Variants in SLC1A6 observed in about 807,000 individuals in gnomAD.
SLC1A6 encodes the protein solute carrier family 1 member 6.
Under a neutral mutation model 42.1 loss-of-function variants are expected in SLC1A6, and 15 were observed. The observed-to-expected ratio is 0.36, with a 90% CI of 0.24 to 0.55. The LOEUF (loss-of-function observed/expected upper bound fraction) is 0.55, where lower values mean the gene tolerates loss of function less well. Among genes scored for constraint, SLC1A6 ranks in the 20% least tolerant of loss-of-function variants. The probability of loss-of-function intolerance (pLI) is 0.88; values close to 1 mark genes in which losing one functional copy is unlikely to be tolerated. For synonymous variants in SLC1A6, 317 were observed against 319.7 expected, an observed-to-expected ratio of 0.99 and a Z score of 0.09; for missense variants, 542 against 772.5, an observed-to-expected ratio of 0.70 and a Z score of 3.54.
At chr19:14,994,938 A>G (rs76185960) in intron 1 of SLC1A6, among the ~76,000 whole-genome samples, 1 of 152,218 alleles carries the variant, frequency 6.6e-6, no homozygotes. Context: ...CTCGGAGAAC[A>G]TGATATTACA....
At chr19:14,996,532 T>C (rs1303288397) in intron 1 of SLC1A6, among the ~76,000 whole-genome samples, 38 of 111,038 alleles carry the variant, frequency 3.4e-4, no homozygotes, top group Admixed American at 1.9e-3. Flanking sequence ...CTCCTCTTTC[T>C]TCTTCTTCTT....
rs1314383470 is a variant in SLC1A6, at chr19:15,000,437, C to T, written c.6+10048G>A. On this transcript the variant is annotated intron_variant, in intron 1 of 8. Transcript: ENST00000430939. ...TGTTTCTATCAGTTTGTCTTTTTTA[C>T]CTTCCACATATAAGTGAGAAGATGC... Among the ~76,000 whole-genome samples the T allele has an allele frequency of 2.0e-5, 3 of 152,276 alleles. No individual in the cohort carries two copies. The East Asian group carries it at 5.8e-4, about 29-fold the overall frequency.
At position 14,964,337 on chromosome 19, in the gene SLC1A6, C is replaced by T. The variant is rs1343680198; in HGVS notation, c.573G>A (p.Val191=). ...CCCTGACCTGTTTGAAGCAGGCCTC[C>T]ACAAGGTTTGGTGGAAACATATTTC... The part of the protein sequence containing the change: ...LIRNMFPPNL[V]EACFKQFKTQ... The change falls in exon 5 of 10, where the codon GTG becomes GTA. Residue 191 remains valine, a synonymous_variant. Coordinates refer to ENST00000594383, the MANE Select transcript of SLC1A6 (RefSeq NM_005071.3). 1.9e-6 allele frequency: 3 copies of T among 1,613,790 alleles called. No homozygotes were observed. Among genetic ancestry groups the T allele is most frequent in the South Asian group, 2.2e-5 (2 of 91,060 alleles).
At chr19:15,010,500 T>C (rs929670808) in exon 1 of SLC1A6, 18 of 565,322 alleles carry the variant, frequency 3.2e-5, no homozygotes, top group African/African-American at 3.0e-4. Flanking sequence ...TGCGACAGAG[T>C]GTGACCTGGA....
At chr19:14,970,693 G>A (rs1033584701) in intron 3 of SLC1A6, among the ~76,000 whole-genome samples, 23 of 150,950 alleles carry the variant, frequency 1.5e-4, no homozygotes, top group African/African-American at 4.9e-4. Context: ...CCTGGGCAAC[G>A]GAGCGACACT....
upstream of SLC1A6, among the ~76,000 whole-genome samples, chr19:14,984,746 A>T (rs1361318475): frequency 2.0e-5 from 3 of 152,242 alleles, no homozygotes; most frequent in East Asian, 5.8e-4. Flanking sequence ...ATATTAACAC[A>T]TTTCATTATG....
In SLC1A6 at chr19:14,972,807, A is replaced by C; in HGVS notation, c.104T>G (p.Leu35Arg). The change falls in exon 2 of 10, where the codon CTG becomes CGG. Residue 35 changes from leucine (L) to arginine (R), a missense_variant. Leu to Arg is a moderately radical substitution (Grantham distance 102). Around this residue, in one of 6 missense-constraint regions of SLC1A6, gnomAD observed 88 missense variants for 85.5 expected, o/e 1.03. Coordinates refer to ENST00000594383, the MANE Select transcript of SLC1A6 (RefSeq NM_005071.3). ...GGTCTGCAGGCGCAGGCGCGTGCGC[A>C]GTGCTCTCTGCTGCAGGCTTTCCTG... ...RLQESLQQRA[L>R]RTRLRLQTMT... 1 of 1,612,352 alleles carries C rather than the reference A, an allele frequency of 6.2e-7. No homozygotes were observed. The highest frequency in any genetic ancestry group is 1.1e-5 in the South Asian group (1 of 90,874).
At chr19:14,986,101 A>ATTTT (rs34189680) in intron 1 of SLC1A6, among the ~76,000 whole-genome samples, 2 of 145,856 alleles carry the variant, frequency 1.4e-5, no homozygotes, top group Non-Finnish European at 1.5e-5. Context: ...ACAAGCAGTA[A>ATTTT]TTTTTTTTTT....
At chr19:14,951,895 G>A (rs1599976216) in intron 9 of SLC1A6, among the ~76,000 whole-genome samples, 1 of 151,520 alleles carries the variant, frequency 6.6e-6, no homozygotes, top group South Asian at 2.1e-4. Context: ...ACTCACTGCA[G>A]CCTCAACCTC....
At chr19:14,986,075 C>G (rs1286622926) in intron 1 of SLC1A6, among the ~76,000 whole-genome samples, 5 of 150,084 alleles carry the variant, frequency 3.3e-5, no homozygotes, top group Non-Finnish European at 7.4e-5. Flanking sequence ...GTTCAGCTTG[C>G]AATTCAAACA....
rs745540941 is a variant in SLC1A6, at chr19:14,971,846, T to G, written c.234A>C (p.Pro78=). 32 of 1,614,018 alleles carry G rather than the reference T, an allele frequency of 2.0e-5. No individual in the cohort carries two copies. The highest frequency in any genetic ancestry group is 2.6e-5 in the Non-Finnish European group (31 of 1,180,028). ...TGATCTGGCGGTAGGTGAGCTGATA[T>G]GGGCGCAGGGCAAAGGCCAGGCTGA... ...IGVSLAFALR[P]YQLTYRQIKY... The change falls in exon 3 of 10, where the codon CCA becomes CCC. Residue 78 remains proline, a synonymous_variant. Coordinates refer to ENST00000594383, the MANE Select transcript of SLC1A6 (RefSeq NM_005071.3).
intron 1 of SLC1A6, among the ~76,000 whole-genome samples, chr19:15,009,763 A>AT (rs879357228): frequency 2.0e-5 from 3 of 152,140 alleles, no homozygotes; most frequent in South Asian, 2.1e-4. Context: ...ATAAAAATAA[A>AT]TTTTTTTTAA....
chr19:14,991,891 T>A (rs2045822117), intron 1 of SLC1A6, among the ~76,000 whole-genome samples: 1 of 151,868 alleles, frequency 6.6e-6, no homozygotes, highest in South Asian at 2.1e-4. Context: ...AGTGGCGTGA[T>A]CTTGGCTCAC....
At position 14,951,273 on chromosome 19, in the gene SLC1A6, A is replaced by G. The variant is rs10402960; in HGVS notation, c.1500-883T>C. On this transcript the variant is annotated intron_variant, in intron 9 of 9. Transcript: ENST00000594383. ...TCTCACAAAAAAAAAAAAAAAAAAA[A>G]AAAAAGAAAGAAAAGAAAAAAATGA... is the stretch of plus-strand genomic sequence containing the variant. Among the ~76,000 whole-genome samples the G allele has an allele frequency of 6.6e-4, 66 of 99,790 alleles. 2 individuals are homozygous for G. Among genetic ancestry groups the G allele is most frequent in the African/African-American group, 1.1e-3 (30 of 27,212 alleles). 65.5% of individuals were successfully genotyped at this position (99,790 alleles called of 152,430 possible).
intron 1 of SLC1A6, among the ~76,000 whole-genome samples, chr19:14,986,986 G>A (rs570077203): frequency 7.9e-5 from 12 of 152,182 alleles, no homozygotes; most frequent in South Asian, 6.2e-4. Context: ...ACTGTTACTC[G>A]CCCTTACTTT....
intron 6 of SLC1A6, among the ~76,000 whole-genome samples, chr19:14,957,157 C>T (rs1364814154): frequency 1.3e-5 from 2 of 152,186 alleles, no homozygotes; most frequent in Non-Finnish European, 2.9e-5. Context: ...CCCCTATTCT[C>T]TTCCCTATCA....
chr19:14,967,056 T>C (rs1160703664), intron 4 of SLC1A6, among the ~76,000 whole-genome samples: 3 of 152,074 alleles, frequency 2.0e-5, no homozygotes, highest in Non-Finnish European at 4.4e-5. Context: ...TAAAATAAAA[T>C]ATAAATTAAA....
At position 14,984,875 on chromosome 19, in the gene SLC1A6, A is replaced by G. The variant is rs111482524; in HGVS notation, c.7-11958T>C. Among the ~76,000 whole-genome samples the G allele has an allele frequency of 7.0e-3, 1,052 of 150,270 alleles. 17 individuals are homozygous for G. Among genetic ancestry groups the G allele is most frequent in the African/African-American group, 0.025 (1,003 of 40,312 alleles). The stretch of plus-strand genomic sequence containing the variant: ...TTAAAAATTATAATTTTCACTCAAA[A>G]GTGCAATTTTTTTGTTTGTTTGTTT... On this transcript the variant is annotated intron_variant, in intron 1 of 8. Coordinates refer to the SLC1A6 transcript ENST00000430939.
At chr19:15,007,107 C>T (rs1425990371) in intron 1 of SLC1A6, among the ~76,000 whole-genome samples, 1 of 152,170 alleles carries the variant, frequency 6.6e-6, no homozygotes, top group Non-Finnish European at 1.5e-5. Context: ...GAGGTCAATG[C>T]CCTCATGAAG....
Sources: allele counts gnomAD v4.1 joint callset (sites outside exome capture counted in the v4.1 genomes callset), GRCh38; gene constraint gnomAD v4.1.1; regional missense constraint gnomAD v4.1.1; transcripts MANE v1.5; gene names NCBI Gene and HGNC (gene_info 2026-07-23, HGNC 2026-07-21).